Variants in SNCAIP observed in about 807,000 individuals in gnomAD.
The protein encoded by SNCAIP is synuclein alpha interacting protein.
Under a neutral mutation model 86.7 loss-of-function variants are expected in SNCAIP, and 43 were observed. The ratio of observed to expected loss-of-function variants is 0.50; its 90% confidence interval spans 0.39 to 0.64. The LOEUF (loss-of-function observed/expected upper bound fraction) is 0.64. Among genes scored for constraint, SNCAIP ranks in the 30% least tolerant of loss-of-function variants. The pLI, the probability that SNCAIP is intolerant of heterozygous loss-of-function variation, is 0.00. For synonymous variants in SNCAIP, 417 were observed against 427.2 expected (o/e 0.98, Z 0.29); for missense variants, 981 against 1,103.1 (o/e 0.89, Z 1.57).
At chr5:122,379,953 T>G (rs1040482719) in intron 1 of SNCAIP, among the ~76,000 whole-genome samples, 1 of 152,190 alleles carries the variant, frequency 6.6e-6, no homozygotes, top group African/African-American at 2.4e-5. Flanking sequence ...AGTATTTTAT[T>G]GAGGATTTTT....
intron 10 of SNCAIP, among the ~76,000 whole-genome samples, chr5:122,462,931 C>T (rs749700144): frequency 1.1e-4 from 17 of 152,106 alleles, no homozygotes; most frequent in Non-Finnish European, 1.3e-4. Context: ...ACTCTTTTCC[C>T]GCAGACTTAG....
At chr5:122,455,751 C>T (rs1216206593) in intron 10 of SNCAIP, among the ~76,000 whole-genome samples, 2 of 152,072 alleles carry the variant, frequency 1.3e-5, no homozygotes, top group Non-Finnish European at 2.9e-5. Context: ...TCTGTGAGGG[C>T]TCTGTTTGCT....
chr5:122,339,745 G>A lies in SNCAIP; in HGVS notation c.-47+27461G>A, dbSNP rs543151263. On this transcript the variant is annotated intron_variant, in intron 1 of 10. Coordinates refer to ENST00000261368, the MANE Select transcript of SNCAIP (RefSeq NM_005460.4). ...GCTATTTATGGAACGCAAGCTGCTC[G>A]GCTATGAAGGGTCTCTTGTGATTTC... Among the ~76,000 whole-genome samples the A allele has an allele frequency of 1.6e-4, 24 of 152,230 alleles. No homozygotes were observed. In the South Asian group the frequency reaches 4.6e-3, roughly 29 times the overall value.
intron 1 of SNCAIP, among the ~76,000 whole-genome samples, chr5:122,364,781 A>G (rs1361076949): frequency 6.6e-6 from 1 of 152,148 alleles, no homozygotes; most frequent in East Asian, 1.9e-4. Context: ...AGACAGAACA[A>G]TGCAGGAGAC....
At chr5:122,313,149 G>A (rs1053797328) in intron 1 of SNCAIP, among the ~76,000 whole-genome samples, 1 of 152,242 alleles carries the variant, frequency 6.6e-6, no homozygotes, top group Non-Finnish European at 1.5e-5. Context: ...CGGCTAGGAG[G>A]GGGGAAACGT....
At chr5:122,443,862 C>T (rs1020911601) in intron 7 of SNCAIP, among the ~76,000 whole-genome samples, 5 of 152,184 alleles carry the variant, frequency 3.3e-5, no homozygotes, top group Admixed American at 2.6e-4. Context: ...CCCTCTGGAG[C>T]CTTCCCCTCC....
chr5:122,370,413 A>G (rs2152790333), intron 1 of SNCAIP, among the ~76,000 whole-genome samples: 1 of 152,088 alleles, frequency 6.6e-6, no homozygotes, highest in Middle Eastern at 3.4e-3. Flanking sequence ...TGTAACATAT[A>G]TGACATGTAT....
At chr5:122,328,450 TA>T (rs1033820824) in intron 1 of SNCAIP, among the ~76,000 whole-genome samples, 1 of 152,238 alleles carries the variant, frequency 6.6e-6, no homozygotes, top group African/African-American at 2.4e-5. Flanking sequence ...AAATTATCCA[TA>T]AATACTCCCT....
chr5:122,330,117 C>CTTTTTTTTTTTTTTTTT (rs1212303157), intron 1 of SNCAIP, among the ~76,000 whole-genome samples: 5 of 96,850 alleles, frequency 5.2e-5, no homozygotes, highest in African/African-American at 2.2e-4. Flanking sequence ...AACTTCATTT[C>CTTTTTTTTTTTTTTTTT]TTTTTTTTTT....
intron 1 of SNCAIP, among the ~76,000 whole-genome samples, chr5:122,315,620 T>C (rs535304204): frequency 1.3e-5 from 2 of 152,208 alleles, no homozygotes; most frequent in Non-Finnish European, 2.9e-5. Flanking sequence ...GGAGAGCATA[T>C]TGGAGCCTGC....
chr5:122,444,065 A>G (rs1360269136), intron 7 of SNCAIP: 1 of 456,790 alleles, frequency 2.2e-6, no homozygotes, highest in African/African-American at 2.0e-5. Context: ...CCCCACTCTC[A>G]GCCATGTCAT....
intron 8 of SNCAIP, among the ~76,000 whole-genome samples, chr5:122,445,429 G>A (rs181982302): frequency 9.9e-4 from 150 of 152,130 alleles, no homozygotes; most frequent in African/African-American, 3.4e-3. Context: ...CCAGATGAAA[G>A]GTCATCAGGT....
chr5:122,312,047 C>T (rs977373617), upstream of SNCAIP: 14 of 146,852 alleles, frequency 9.5e-5, no homozygotes, highest in African/African-American at 2.7e-4. Context: ...CGTTCCTTGT[C>T]CCCCAGCGCC....
intron 1 of SNCAIP, among the ~76,000 whole-genome samples, chr5:122,385,246 T>A (rs1357483638): frequency 8.5e-5 from 13 of 152,312 alleles, no homozygotes; most frequent in Non-Finnish European, 1.8e-4. Flanking sequence ...CTAGTGTAGG[T>A]CTTATCCACC....
chr5:122,312,639 G>A (rs1376589957), intron 1 of SNCAIP: 2 of 152,444 alleles, frequency 1.3e-5, no homozygotes, highest in Non-Finnish European at 2.9e-5. Context: ...CGCAGGCAGG[G>A]ATGGGCAGTT....
intron 2 of SNCAIP, among the ~76,000 whole-genome samples, chr5:122,393,086 G>C (rs2152844495): frequency 6.6e-6 from 1 of 152,248 alleles, no homozygotes; most frequent in South Asian, 2.1e-4. Flanking sequence ...TGCAATAGTT[G>C]AGTGTCTATA....
intron 7 of SNCAIP, chr5:122,444,283 C>T: frequency 1.9e-6 from 1 of 521,314 alleles, no homozygotes; most frequent in Non-Finnish European, 3.7e-6. Flanking sequence ...CAGAACTCCC[C>T]ACCACAAAGA....
chr5:122,412,871 C>T (rs1032240956), intron 3 of SNCAIP, among the ~76,000 whole-genome samples: 1 of 152,234 alleles, frequency 6.6e-6, no homozygotes, highest in East Asian at 1.9e-4. Context: ...TTCTTGCTTT[C>T]CCTGATGTCC....
In SNCAIP at chr5:122,423,786, CT is replaced by C. The variant is rs749019497; in HGVS notation, c.1002+52del. ...ATACATGTCAATAGACTGGAGACTC[CT>C]TTTTAATAAACTGCATTCGTTAGTA... On this transcript the variant is annotated intron_variant, in intron 4 of 10. Coordinates refer to ENST00000261368, the MANE Select transcript of SNCAIP (RefSeq NM_005460.4). The C allele has an allele frequency of 5.0e-5, 76 of 1,518,562 alleles. No individual in the cohort carries two copies. In the African/African-American group the frequency reaches 9.2e-4, roughly 18 times the overall value. 94.1% of individuals were successfully genotyped at this position (1,518,562 alleles called of 1,614,324 possible). A position where few individuals can be genotyped will look rare whatever the true frequency, so the allele number is the denominator to read the frequency against.
Sources: gnomAD v4.1 joint callset for allele counts (sites outside exome capture counted in the v4.1 genomes callset) on GRCh38, gnomAD v4.1.1 for gene constraint, MANE v1.5 for transcripts, NCBI Gene and HGNC (gene_info 2026-07-23, HGNC 2026-07-21) for gene names.